ADGRL2: variants seen among roughly 807,000 people sequenced by gnomAD.
The protein encoded by ADGRL2 is calcium-independent alpha-latrotoxin receptor 2.
In ADGRL2, 44 loss-of-function variants were observed where a neutral mutation model predicts 157.4. That is an observed-to-expected ratio of 0.28 (90% CI 0.22 to 0.36). ADGRL2 has a LOEUF of 0.36. ADGRL2 is among the 10% of genes least tolerant of loss of function. The pLI is 1.00. For missense variants in ADGRL2, 1,510 were observed against 1,768.9 expected, an observed-to-expected ratio of 0.85 and a Z score of 2.63; for synonymous variants, 585 against 624.7, an observed-to-expected ratio of 0.94 and a Z score of 0.95.
At chr1:81,396,153 C>A (rs2101183871) in intron 1 of ADGRL2, among the ~76,000 whole-genome samples, 1 of 152,132 alleles carries the variant, frequency 6.6e-6, no homozygotes, top group Non-Finnish European at 1.5e-5. Context: ...GAAGTCTTTC[C>A]ATTTTTGCGT....
intron 2 of ADGRL2, among the ~76,000 whole-genome samples, chr1:81,516,316 C>G (rs1247734131): frequency 6.6e-6 from 1 of 152,080 alleles, no homozygotes; most frequent in Non-Finnish European, 1.5e-5. Flanking sequence ...TGCGAGAGGT[C>G]CAGAAGGTTG....
intron 2 of ADGRL2, among the ~76,000 whole-genome samples, chr1:81,873,686 G>A (rs1465489275): frequency 3.3e-5 from 5 of 152,038 alleles, no homozygotes; most frequent in Non-Finnish European, 1.5e-5. Flanking sequence ...AACTTGGATA[G>A]TATATTCTAT....
At chr1:81,643,878 A>T (rs1346950431) in intron 3 of ADGRL2, among the ~76,000 whole-genome samples, 2 of 152,212 alleles carry the variant, frequency 1.3e-5, no homozygotes, top group East Asian at 3.9e-4. Context: ...AATTCTGGCA[A>T]ATTATTTTGT....
chr1:81,944,099 T>A (rs1557967076), intron 6 of ADGRL2, among the ~76,000 whole-genome samples: 2 of 151,992 alleles, frequency 1.3e-5, no homozygotes, highest in Non-Finnish European at 2.9e-5. Flanking sequence ...ACAATCTATG[T>A]TCAGACCTTT....
At chr1:81,748,719 GTGCAGTGGCA>G (rs2085394265) in intron 1 of ADGRL2, among the ~76,000 whole-genome samples, 1 of 151,834 alleles carries the variant, frequency 6.6e-6, no homozygotes, top group Non-Finnish European at 1.5e-5. Context: ...CCAGGCTGGG[GTGCAGTGGCA>G]TGATCTCGGC....
At chr1:81,692,388 TA>T (rs1302123471) in intron 3 of ADGRL2, among the ~76,000 whole-genome samples, 4 of 152,344 alleles carry the variant, frequency 2.6e-5, no homozygotes, top group Non-Finnish European at 5.9e-5. Flanking sequence ...AAGATCCAAT[TA>T]CTCAAGTTGA....
At chr1:81,814,517 T>C (rs954577923) in intron 1 of ADGRL2, among the ~76,000 whole-genome samples, 1 of 151,518 alleles carries the variant, frequency 6.6e-6, no homozygotes, top group Non-Finnish European at 1.5e-5. Flanking sequence ...TTAGAAAATT[T>C]ATATATGTGT....
Position 81,399,103 on chromosome 1 carries a change from C to A in ADGRL2, c.-301-45933C>A, listed in dbSNP as rs142825092. Among the ~76,000 whole-genome samples, 923 of 152,240 alleles carry A rather than the reference C, an allele frequency of 6.1e-3. 12 individuals carry two copies. Among genetic ancestry groups the A allele is most frequent in the African/African-American group, 0.021 (855 of 41,540 alleles). Reference sequence around the variant, plus strand: ...ATCATGGTGGAAGGTGAAGGGGAAGCAAGCACATCTTACCATGGCAAAGCA... The same window carrying A: ...ATCATGGTGGAAGGTGAAGGGGAAGAAAGCACATCTTACCATGGCAAAGCA... On this transcript the variant is annotated intron_variant, in intron 1 of 24. Coordinates refer to the ADGRL2 transcript ENST00000370721.
intron 1 of ADGRL2, among the ~76,000 whole-genome samples, chr1:81,827,145 C>G (rs78748374): frequency 0.013 from 1,919 of 152,210 alleles, 17 homozygotes; most frequent in Non-Finnish European, 0.019. Flanking sequence ...TTTATTGTGA[C>G]TTCATAATTA....
At chr1:81,951,562 A>G (rs764336226) in intron 8 of ADGRL2, among the ~76,000 whole-genome samples, 5 of 152,104 alleles carry the variant, frequency 3.3e-5, no homozygotes, top group Non-Finnish European at 7.4e-5. Flanking sequence ...CTCCTCCTTC[A>G]TCTACCTTTA....
chr1:81,472,648 A>C (rs541637022), intron 2 of ADGRL2, among the ~76,000 whole-genome samples: 1 of 152,264 alleles, frequency 6.6e-6, no homozygotes, highest in Non-Finnish European at 1.5e-5. Flanking sequence ...AAGGAAAGGA[A>C]AGGAAAGGGA....
intron 1 of ADGRL2, among the ~76,000 whole-genome samples, chr1:81,373,334 A>G (rs1204123398): frequency 6.6e-6 from 1 of 152,192 alleles, no homozygotes; most frequent in Non-Finnish European, 1.5e-5. Flanking sequence ...GCAAAACCAT[A>G]CTTACAGCTG....
At chr1:81,539,976 T>A (rs949073763) in intron 2 of ADGRL2, among the ~76,000 whole-genome samples, 14 of 152,130 alleles carry the variant, frequency 9.2e-5, no homozygotes, top group African/African-American at 3.1e-4. Context: ...ATCTAGTAGG[T>A]ATTTTTCTCC....
At chr1:81,505,740 C>CAAAAAAAAA (rs59062091) in intron 2 of ADGRL2, among the ~76,000 whole-genome samples, 2 of 85,080 alleles carry the variant, frequency 2.4e-5, no homozygotes, top group African/African-American at 4.2e-5. Flanking sequence ...TGTCCTCCTG[C>CAAAAAAAAA]AAAAAAAAAA....
intron 17 of ADGRL2, among the ~76,000 whole-genome samples, chr1:81,976,976 A>G (rs1660357330): frequency 6.6e-6 from 1 of 151,916 alleles, no homozygotes. Flanking sequence ...AGAAATGGAA[A>G]CTTTTAAATA....
chr1:81,535,410 T>C (rs773586226), intron 2 of ADGRL2, among the ~76,000 whole-genome samples: 2 of 152,114 alleles, frequency 1.3e-5, no homozygotes, highest in Non-Finnish European at 2.9e-5. Context: ...TGTGTGTATG[T>C]GTGTGTGAAT....
At chr1:81,635,703 C>T (rs1486323575) in intron 3 of ADGRL2, among the ~76,000 whole-genome samples, 1 of 152,124 alleles carries the variant, frequency 6.6e-6, no homozygotes, top group Non-Finnish European at 1.5e-5. Context: ...TAATCACCTC[C>T]CAAAAGGCCC....
At chr1:81,497,560 C>T (rs1382895708) in intron 2 of ADGRL2, among the ~76,000 whole-genome samples, 1 of 151,942 alleles carries the variant, frequency 6.6e-6, no homozygotes, top group African/African-American at 2.4e-5. Flanking sequence ...AGATTCTTAA[C>T]CTAAAGTTTA....
intron 17 of ADGRL2, among the ~76,000 whole-genome samples, chr1:81,975,500 C>G (rs935225924): frequency 5.3e-5 from 8 of 152,100 alleles, no homozygotes; most frequent in African/African-American, 1.2e-4. Context: ...CTCCCTGCCT[C>G]TTTGCCTGCC....
Sources: allele counts gnomAD v4.1 joint callset (sites outside exome capture counted in the v4.1 genomes callset), GRCh38; gene constraint gnomAD v4.1.1; transcripts MANE v1.5; gene names NCBI Gene and HGNC (gene_info 2026-07-23, HGNC 2026-07-21).